The following OSTF1 variants were observed in gnomAD, a reference collection of about 807,000 sequenced individuals.
OSTF1 encodes osteoclast-stimulating factor 1.
Under a neutral mutation model 37.2 loss-of-function variants are expected in OSTF1, and 27 were observed. The ratio of observed to expected loss-of-function variants is 0.73; its 90% confidence interval spans 0.54 to 1.00. The LOEUF (loss-of-function observed/expected upper bound fraction) is 1.00. OSTF1 is among the 50% of genes least tolerant of loss of function. OSTF1 has a pLI of 0.00. For synonymous variants in OSTF1, 82 were observed against 89.2 expected (o/e 0.92, Z 0.46); for missense variants, 232 against 253.8 (o/e 0.91, Z 0.58).
intron 9 of OSTF1, 65 bp downstream of exon 9, chr9:75,140,997 G>A: frequency 1.3e-5 from 15 of 1,190,670 alleles, no homozygotes; most frequent in Non-Finnish European, 1.9e-5. Context: ...AACTTAGAAT[G>A]GCGCAAAAGA....
chr9:75,090,895 C>T (rs1408799549), intron 1 of OSTF1, among the ~76,000 whole-genome samples: 1 of 152,180 alleles, frequency 6.6e-6, no homozygotes, highest in Non-Finnish European at 1.5e-5. Context: ...AGTCACTTTA[C>T]ACGTGTTAAC....
chr9:75,140,814 A>T lies in OSTF1; in HGVS notation c.488-20A>T, dbSNP rs934578268. 1 of 1,579,216 alleles carries T rather than the reference A, an allele frequency of 6.3e-7. No homozygotes were observed. The highest frequency in any genetic ancestry group is 8.7e-7 in the Non-Finnish European group (1 of 1,149,190). On this transcript the variant is annotated intron_variant, in intron 8 of 9. Coordinates refer to ENST00000346234, the MANE Select transcript of OSTF1 (RefSeq NM_012383.5). The stretch of plus-strand genomic sequence containing the variant: ...TATAGTCTTCAAAGACACCTAATTG[A>T]CTTTTCTTGTGTTGGGAAGGTGCTA...
intron 7 of OSTF1, among the ~76,000 whole-genome samples, chr9:75,135,395 A>T (rs1825826563): frequency 6.6e-6 from 1 of 152,060 alleles, no homozygotes; most frequent in South Asian, 2.1e-4. Context: ...TTTTATGATG[A>T]TGTGCTAGCA....
chr9:75,117,653 C>T, intron 2 of OSTF1, 103 bp downstream of exon 2: 1 of 839,352 alleles, frequency 1.2e-6, no homozygotes. Context: ...CTTTGATAGA[C>T]CTAGGTAATT....
chr9:75,129,023 C>T (rs911745214), intron 3 of OSTF1, among the ~76,000 whole-genome samples: 2 of 151,976 alleles, frequency 1.3e-5, no homozygotes, highest in Non-Finnish European at 2.9e-5. Flanking sequence ...AGCAGAGGTA[C>T]AAGATAAACC....
chr9:75,128,001 T>G (rs942119899), intron 3 of OSTF1, among the ~76,000 whole-genome samples: 1 of 152,038 alleles, frequency 6.6e-6, no homozygotes, highest in African/African-American at 2.4e-5. Flanking sequence ...CTTGTTTTTC[T>G]CAATTTCAGA....
At chr9:75,114,434 GC>G (rs1208861195) in intron 1 of OSTF1, among the ~76,000 whole-genome samples, 7 of 152,084 alleles carry the variant, frequency 4.6e-5, no homozygotes, top group African/African-American at 1.7e-4. Context: ...TTCTTCTCGT[GC>G]CCAGAAGCTA....
chr9:75,134,277 T>C (rs949275642), intron 6 of OSTF1, 69 bp from the exon 7 acceptor site: 2 of 639,532 alleles, frequency 3.1e-6, no homozygotes, highest in African/African-American at 3.8e-5. Flanking sequence ...TTTATAAAAT[T>C]ATTGTACCTA....
chr9:75,095,529 A>G (rs1396445155), intron 1 of OSTF1, among the ~76,000 whole-genome samples: 1 of 152,132 alleles, frequency 6.6e-6, no homozygotes, highest in Non-Finnish European at 1.5e-5. Flanking sequence ...AAAGGGGGAA[A>G]AGTCATTTGA....
At chr9:75,142,528 A>C (rs1587481416) in intron 9 of OSTF1, among the ~76,000 whole-genome samples, 1 of 152,096 alleles carries the variant, frequency 6.6e-6, no homozygotes, top group Admixed American at 6.5e-5. Flanking sequence ...GCATATACCA[A>C]ACTTTCTTAG....
At chr9:75,116,542 G>A (rs1475666028) in intron 1 of OSTF1, among the ~76,000 whole-genome samples, 2 of 151,194 alleles carry the variant, frequency 1.3e-5, no homozygotes, top group Admixed American at 1.3e-4. Flanking sequence ...ACTCAGGCAT[G>A]TGACCTTGTT....
intron 2 of OSTF1, among the ~76,000 whole-genome samples, chr9:75,118,125 G>C (rs1334197089): frequency 6.6e-6 from 1 of 152,190 alleles, no homozygotes; most frequent in Admixed American, 6.5e-5. Flanking sequence ...GAGAGTAACA[G>C]ACAAATGAAT....
rs1164675734 is a variant in OSTF1, at chr9:75,088,519, G to GC, written c.-173dup. 1.5e-5 allele frequency: 10 copies of GC among 688,968 alleles called. No homozygotes were observed. The African/African-American group carries it at 1.8e-4, about 12-fold the overall frequency. The allele number at this position is 688,968 out of a possible 1,614,324, so 42.7% of individuals were successfully genotyped here. ...GCCGCGGGGCGGGGCGGAGCACTCGGCGGAGCCGCTCTGCCTGCGTCCGCT... is the reference window on the plus strand; with the variant it reads ...GCCGCGGGGCGGGGCGGAGCACTCGGCCGGAGCCGCTCTGCCTGCGTCCGCT... On this transcript the variant is annotated 5_prime_UTR_variant, in exon 1 of 10. Transcript: ENST00000346234.
chr9:75,108,961 C>T (rs559618849), intron 1 of OSTF1, among the ~76,000 whole-genome samples: 18 of 151,908 alleles, frequency 1.2e-4, no homozygotes, highest in South Asian at 6.3e-4. Context: ...GTGAGTCTAC[C>T]GGAATTTTAG....
intron 1 of OSTF1, among the ~76,000 whole-genome samples, chr9:75,116,865 C>T (rs1389973413): frequency 6.6e-6 from 1 of 152,086 alleles, no homozygotes; most frequent in East Asian, 1.9e-4. Flanking sequence ...AGGTGTGTGT[C>T]TGTTCTTACA....
At chr9:75,089,406 T>C (rs1206147358) in intron 1 of OSTF1, among the ~76,000 whole-genome samples, 2 of 152,080 alleles carry the variant, frequency 1.3e-5, no homozygotes, top group African/African-American at 4.8e-5. Flanking sequence ...CTGAGAGGGC[T>C]GAGATTACTA....
rs1180399067 is a variant in OSTF1 at position 75,088,777 on chromosome 9, C to G, written c.34+51C>G. The stretch of plus-strand genomic sequence containing the variant: ...CCAGGTCCTGCGACCGCCGCGGTGC[C>G]GGCGCCTCCTCTGCAGCTTGGCAGG... On this transcript the variant is annotated intron_variant, in intron 1 of 9. Coordinates refer to ENST00000346234, the MANE Select transcript of OSTF1 (RefSeq NM_012383.5). The G allele has an allele frequency of 1.9e-6, 3 of 1,553,588 alleles. No individual in the cohort carries two copies. The Admixed American group carries it at 5.6e-5, about 29-fold the overall frequency.
At chr9:75,136,643 C>T (rs144835405) in intron 7 of OSTF1, among the ~76,000 whole-genome samples, 1,598 of 152,318 alleles carry the variant, frequency 0.01, 25 homozygotes, top group African/African-American at 0.037. Context: ...CCGCTCTCCT[C>T]GGTCTCCCAA....
chr9:75,092,819 C>T (rs538806765), intron 1 of OSTF1, among the ~76,000 whole-genome samples: 70 of 152,130 alleles, frequency 4.6e-4, no homozygotes, highest in Middle Eastern at 3.4e-3. Context: ...AAAGGCTATA[C>T]GGTATTGCCT....
Sources: allele counts gnomAD v4.1 joint callset (sites outside exome capture counted in the v4.1 genomes callset), GRCh38; gene constraint gnomAD v4.1.1; transcripts MANE v1.5; gene names NCBI Gene and HGNC (gene_info 2026-07-23, HGNC 2026-07-21).